The following CHRDL1 variants were observed in gnomAD, a reference collection of about 807,000 sequenced individuals.
CHRDL1 encodes chordin-like protein 1.
Under a neutral mutation model 40.9 loss-of-function variants are expected in CHRDL1, and 19 were observed. The observed-to-expected ratio is 0.46, with a 90% CI of 0.32 to 0.68. The LOEUF is 0.68. Ranked by LOEUF, CHRDL1 falls within the 30% of genes least tolerant of loss-of-function variation. The pLI is 0.03. For missense variants in CHRDL1, 329 were observed against 352.1 expected, an observed-to-expected ratio of 0.93 and a Z score of 0.53; for synonymous variants, 136 against 123.4, an observed-to-expected ratio of 1.10 and a Z score of -0.68.
In CHRDL1 at chrX:110,688,577, G is replaced by A. The variant is rs772266588; in HGVS notation, c.988+17C>T. On this transcript the variant is annotated intron_variant, in intron 9 of 11. Transcript: ENST00000372042. Reference sequence around the variant, plus strand: ...AGAATCTCAGTCAACCAAAAGCAGGGCCTCCAACCAACGCACCTTTTGCTT... The same window carrying A: ...AGAATCTCAGTCAACCAAAAGCAGGACCTCCAACCAACGCACCTTTTGCTT... The A allele has an allele frequency of 4.8e-5, 56 of 1,164,074 alleles. No individual in the cohort carries two copies. Among genetic ancestry groups the A allele is most frequent in the Non-Finnish European group, 6.0e-5 (51 of 854,275 alleles).
intron 4 of CHRDL1, among the ~76,000 whole-genome samples, chrX:110,735,456 C>T (rs1165576219): frequency 3.6e-5 from 4 of 111,853 alleles, no homozygotes; most frequent in African/African-American, 1.3e-4. Context: ...ACATCAAAAC[C>T]TAGATATTTT....
intron 2 of CHRDL1, among the ~76,000 whole-genome samples, chrX:110,768,017 T>G (rs1305528552): frequency 8.9e-6 from 1 of 112,322 alleles, no homozygotes; most frequent in Non-Finnish European, 1.9e-5. Flanking sequence ...AAATTTTAAC[T>G]ACTACTCCGT....
intron 8 of CHRDL1, among the ~76,000 whole-genome samples, chrX:110,689,254 CTTTT>C (rs55785948): frequency 0.01 from 917 of 88,692 alleles, 11 homozygotes; most frequent in African/African-American, 0.034. Context: ...CCATGCCGTG[CTTTT>C]TTTTTTTTTT....
intron 2 of CHRDL1, among the ~76,000 whole-genome samples, chrX:110,790,848 T>C (rs765432469): frequency 9.4e-6 from 1 of 106,672 alleles, no homozygotes; most frequent in South Asian, 4.3e-4. Flanking sequence ...GAGTAGAGGC[T>C]GATCCAAGCT....
intron 4 of CHRDL1, among the ~76,000 whole-genome samples, chrX:110,744,090 T>A (rs1253490981): frequency 8.9e-6 from 1 of 112,398 alleles, no homozygotes; most frequent in Non-Finnish European, 1.9e-5. Context: ...ATTTTAACAA[T>A]CTAAACTCAC....
chrX:110,776,175 T>G (rs1223466418), intron 2 of CHRDL1, among the ~76,000 whole-genome samples: 1 of 112,595 alleles, frequency 8.9e-6, no homozygotes, highest in Non-Finnish European at 1.9e-5. Context: ...CTTATTATTT[T>G]GCTAATGTTC....
chrX:110,773,618 C>A (rs929431444), intron 2 of CHRDL1, among the ~76,000 whole-genome samples: 1 of 105,548 alleles, frequency 9.5e-6, no homozygotes, highest in Non-Finnish European at 1.9e-5. Flanking sequence ...GTCCCAGCTA[C>A]TAGGGAGGCT....
At chrX:110,785,691 T>C (rs1408948502) in intron 2 of CHRDL1, among the ~76,000 whole-genome samples, 3 of 112,216 alleles carry the variant, frequency 2.7e-5, no homozygotes, top group Non-Finnish European at 5.6e-5. Context: ...CAATTAACTA[T>C]GGTTATCCAT....
At chrX:110,758,131 A>C (rs1738419) in intron 4 of CHRDL1, among the ~76,000 whole-genome samples, 5,775 of 93,764 alleles carry the variant, frequency 0.062, 440 homozygotes, top group African/African-American at 0.24. Context: ...ACAAAAAAAC[A>C]AAAAAAAAAA....
intron 6 of CHRDL1, among the ~76,000 whole-genome samples, chrX:110,707,201 T>C (rs2148449261): frequency 8.9e-6 from 1 of 111,936 alleles, no homozygotes; most frequent in East Asian, 2.8e-4. Context: ...ATAAGGATTC[T>C]CCACTGATAG....
intron 6 of CHRDL1, among the ~76,000 whole-genome samples, chrX:110,714,679 G>A (rs756696919): frequency 4.5e-5 from 5 of 111,542 alleles, no homozygotes; most frequent in Non-Finnish European, 7.5e-5. Context: ...GATTCAATCC[G>A]CGTCTAGGAT....
intron 2 of CHRDL1, among the ~76,000 whole-genome samples, chrX:110,786,377 A>T (rs1198634089): frequency 8.9e-6 from 1 of 111,831 alleles, no homozygotes; most frequent in Non-Finnish European, 1.9e-5. Flanking sequence ...ATAAATCTTA[A>T]ATGGATAAAA....
chrX:110,729,659 T>C (rs930543332), intron 4 of CHRDL1, among the ~76,000 whole-genome samples: 1 of 112,208 alleles, frequency 8.9e-6, no homozygotes, highest in African/African-American at 3.2e-5. Flanking sequence ...TGAAACTTTC[T>C]AGAACTTAAG....
chrX:110,688,395 A>G (rs1017811034), intron 9 of CHRDL1, among the ~76,000 whole-genome samples, 199 bp downstream of exon 9: 1 of 112,189 alleles, frequency 8.9e-6, no homozygotes, highest in Non-Finnish European at 1.9e-5. Flanking sequence ...GGTAGACACA[A>G]GCATATTTCT....
intron 10 of CHRDL1, 129 bp downstream of exon 10, chrX:110,681,353 A>G (rs2069892460): frequency 1.1e-5 from 6 of 532,293 alleles, no homozygotes; most frequent in Non-Finnish European, 1.9e-5. Flanking sequence ...TAGATATGTC[A>G]GTTTCTAAGC....
intron 6 of CHRDL1, among the ~76,000 whole-genome samples, chrX:110,717,661 G>T (rs1254439556): frequency 8.9e-6 from 1 of 112,184 alleles, no homozygotes; most frequent in Non-Finnish European, 1.9e-5. Flanking sequence ...ACATAGGGTT[G>T]TCATGAGATT....
chrX:110,715,170 A>G (rs1448057186), intron 6 of CHRDL1, among the ~76,000 whole-genome samples: 3 of 111,803 alleles, frequency 2.7e-5, no homozygotes, highest in Non-Finnish European at 3.8e-5. Context: ...AGTAATAACT[A>G]GCTTTTATCT....
chrX:110,770,796 AT>A (rs1358674361), intron 2 of CHRDL1, among the ~76,000 whole-genome samples: 6 of 112,089 alleles, frequency 5.4e-5, no homozygotes, highest in African/African-American at 1.9e-4. Context: ...TTGAAACAAC[AT>A]AAAATGGATT....
At chrX:110,769,300 T>C (rs2089714577) in intron 2 of CHRDL1, among the ~76,000 whole-genome samples, 1 of 112,270 alleles carries the variant, frequency 8.9e-6, no homozygotes, top group Non-Finnish European at 1.9e-5. Flanking sequence ...CCTCTTATAA[T>C]AAACACACAA....
Sources: gnomAD v4.1 joint callset for allele counts (sites outside exome capture counted in the v4.1 genomes callset) on GRCh38, gnomAD v4.1.1 for gene constraint, MANE v1.5 for transcripts, NCBI Gene and HGNC (gene_info 2026-07-23, HGNC 2026-07-21) for gene names.